The following OSTN variants were observed in gnomAD, a reference collection of about 807,000 sequenced individuals.
The protein encoded by OSTN is osteocrin.
A neutral mutation model predicts 12.0 loss-of-function variants in OSTN; 9 were observed. That is an observed-to-expected ratio of 0.75 (90% confidence interval 0.45 to 1.30). The LOEUF is 1.30. Among genes scored for constraint, OSTN ranks in the 50% most tolerant of loss-of-function variants. The probability of loss-of-function intolerance (pLI) is 0.00; values close to 1 mark genes in which losing one functional copy is unlikely to be tolerated. For missense variants in OSTN, 148 were observed against 152.3 expected (o/e 0.97, Z 0.15); for synonymous variants, 59 against 56.9 (o/e 1.04, Z -0.16).
intron 4 of OSTN, among the ~76,000 whole-genome samples, chr3:191,253,920 G>A (rs12498038): frequency 0.26 from 39,342 of 152,112 alleles, 5,807 homozygotes; most frequent in East Asian, 0.41. Flanking sequence ...CTTAAAAAGC[G>A]TTTCACATAT....
chr3:191,254,813 T>C (rs1432186686), intron 4 of OSTN, among the ~76,000 whole-genome samples: 1 of 152,216 alleles, frequency 6.6e-6, no homozygotes, highest in African/African-American at 2.4e-5. Context: ...CTTTTTAAAT[T>C]GGCTTTACTG....
In OSTN at chr3:191,264,358, TGAAA is replaced by T. The variant is rs1239551256; in HGVS notation, c.*1510_*1513del. The T allele has an allele frequency of 8.5e-5, 13 of 152,192 alleles. No individual in the cohort carries two copies. The highest frequency in any genetic ancestry group is 3.1e-4 in the African/African-American group (13 of 41,562). The allele number at this position is 152,192 out of a possible 1,614,324, so 9.4% of individuals were successfully genotyped here. A position where few individuals can be genotyped will look rare whatever the true frequency, so the allele number is the denominator to read the frequency against. ...AAAGTTTAAAAGAGGCAAAAAGAGG[TGAAA>T]GAAATGAACATGTGTACTTAGAATA... On this transcript the variant is annotated 3_prime_UTR_variant, in exon 5 of 5. Transcript: ENST00000682035.
chr3:191,219,419 G>C (rs1300599599), intron 3 of OSTN, among the ~76,000 whole-genome samples: 2 of 152,148 alleles, frequency 1.3e-5, no homozygotes, highest in Admixed American at 6.5e-5. Flanking sequence ...GAACGCATGT[G>C]TTTCTGTCAA....
At chr3:191,240,480 C>G (rs1002612568) in intron 3 of OSTN, among the ~76,000 whole-genome samples, 6 of 152,210 alleles carry the variant, frequency 3.9e-5, no homozygotes, top group Admixed American at 2.0e-4. Context: ...CTCACGGAAT[C>G]TCAGAGCACT....
chr3:191,207,963 T>A (rs956763682), intron 1 of OSTN, among the ~76,000 whole-genome samples: 1 of 152,192 alleles, frequency 6.6e-6, no homozygotes, highest in African/African-American at 2.4e-5. Context: ...ACATAAGACA[T>A]TTGTTTATTC....
At chr3:191,261,909 CT>C (rs1187372820) in intron 4 of OSTN, among the ~76,000 whole-genome samples, 1 of 152,146 alleles carries the variant, frequency 6.6e-6, no homozygotes, top group Non-Finnish European at 1.5e-5. Context: ...GAATGTCAAC[CT>C]GATAAAATTA....
At chr3:191,218,445 A>C (rs1017045528) in intron 2 of OSTN, among the ~76,000 whole-genome samples, 5 of 152,124 alleles carry the variant, frequency 3.3e-5, no homozygotes, top group African/African-American at 1.2e-4. Flanking sequence ...AACATGGTGA[A>C]ACCCCATCTC....
chr3:191,217,136 G>A (rs1282586645), intron 2 of OSTN: 2 of 152,206 alleles, frequency 1.3e-5, no homozygotes, highest in African/African-American at 2.4e-5. Context: ...GGGAAGCAAG[G>A]CACCTTCTTC....
At chr3:191,217,636 G>T (rs936876022) in intron 2 of OSTN, among the ~76,000 whole-genome samples, 3 of 152,156 alleles carry the variant, frequency 2.0e-5, no homozygotes, top group Non-Finnish European at 2.9e-5. Context: ...TCACAAACTG[G>T]ACAGCTATAC....
intron 3 of OSTN, among the ~76,000 whole-genome samples, chr3:191,232,637 G>A (rs1021167123): frequency 2.3e-5 from 3 of 132,694 alleles, no homozygotes; most frequent in African/African-American, 8.4e-5. Flanking sequence ...TTTTGCTCTT[G>A]TTGCCCAGGC....
chr3:191,221,352 C>T (rs1489895374), intron 3 of OSTN, among the ~76,000 whole-genome samples: 3 of 152,016 alleles, frequency 2.0e-5, no homozygotes, highest in Non-Finnish European at 4.4e-5. Context: ...AACTGGGTAA[C>T]AGGCAGAGGT....
rs563732193 is a variant in OSTN at position 191,256,176 on chromosome 3, A to T, written c.*12+6043A>T. On this transcript the variant is annotated intron_variant, in intron 4 of 4. Transcript: ENST00000682035. ...TAATAATTATAATTAAATACTACTG[A>T]TAACATATGCTAAAACATATCAGAA... Among the ~76,000 whole-genome samples the T allele has an allele frequency of 6.6e-5, 10 of 152,244 alleles. No homozygotes were observed. In the South Asian group the frequency reaches 2.1e-3, roughly 32 times the overall value.
chr3:191,212,518 A>G lies in OSTN; in HGVS notation c.1-15A>G. Reference sequence around the variant, plus strand: ...CAAACGAATCAATGCTAACTATGACATATGTAACCCTTAGATGCTGGACTG... The same window carrying G: ...CAAACGAATCAATGCTAACTATGACGTATGTAACCCTTAGATGCTGGACTG... On this transcript the variant is annotated splice_polypyrimidine_tract_variant and intron_variant, in intron 1 of 4. Coordinates refer to ENST00000682035, the MANE Select transcript of OSTN (RefSeq NM_198184.2). The G allele has an allele frequency of 2.0e-6, 3 of 1,522,934 alleles. No individual in the cohort carries two copies. Among genetic ancestry groups the G allele is most frequent in the Middle Eastern group, 1.7e-4 (1 of 5,756 alleles). 94.3% of individuals were successfully genotyped at this position (1,522,934 alleles called of 1,614,324 possible).
intron 1 of OSTN, among the ~76,000 whole-genome samples, chr3:191,209,990 G>C (rs1714378132): frequency 6.6e-6 from 1 of 152,158 alleles, no homozygotes; most frequent in Admixed American, 6.5e-5. Context: ...CTGCTATAAA[G>C]AAATACCTGA....
chr3:191,249,886 G>T (rs556075441), intron 3 of OSTN, 151 bp from the exon 4 acceptor site: 2 of 596,998 alleles, frequency 3.4e-6, no homozygotes, highest in Admixed American at 2.9e-5. Flanking sequence ...ATGAGATAGT[G>T]TCTGGCACAT....
At chr3:191,260,724 G>C (rs542167942) in intron 4 of OSTN, among the ~76,000 whole-genome samples, 42 of 152,268 alleles carry the variant, frequency 2.8e-4, no homozygotes, top group African/African-American at 9.9e-4. Context: ...GGGTGATGGA[G>C]ACCAGGAAAG....
chr3:191,240,838 C>T (rs985667117), intron 3 of OSTN, among the ~76,000 whole-genome samples: 2 of 152,240 alleles, frequency 1.3e-5, no homozygotes, highest in Non-Finnish European at 2.9e-5. Context: ...GAAATGGCAG[C>T]CAGCTGCCGC....
chr3:191,207,582 C>A (rs1328649998), intron 1 of OSTN, among the ~76,000 whole-genome samples: 35 of 151,970 alleles, frequency 2.3e-4, no homozygotes, highest in Non-Finnish European at 2.9e-5. Context: ...TTTTTTTCTA[C>A]CCCAGCCCAC....
At chr3:191,218,712 C>A (rs766721385) in intron 2 of OSTN, 35 bp from the exon 3 acceptor site, 1 of 1,570,446 alleles carries the variant, frequency 6.4e-7, no homozygotes, top group Non-Finnish European at 8.7e-7. Flanking sequence ...GTCTCTTTGT[C>A]TAAATTAACG....
Sources: gnomAD v4.1 joint callset for allele counts (sites outside exome capture counted in the v4.1 genomes callset) on GRCh38, gnomAD v4.1.1 for gene constraint, MANE v1.5 for transcripts, NCBI Gene and HGNC (gene_info 2026-07-23, HGNC 2026-07-21) for gene names.